CLASP2: variants seen among roughly 807,000 people sequenced by gnomAD.
The protein encoded by CLASP2 is cytoplasmic linker associated protein 2, also known as CLIP-associating protein 2.
Under a neutral mutation model 194.4 loss-of-function variants are expected in CLASP2, and 47 were observed. The observed-to-expected ratio is 0.24, with a 90% CI of 0.19 to 0.31. The LOEUF (loss-of-function observed/expected upper bound fraction) is 0.31. Ranked by LOEUF, CLASP2 falls within the 10% of genes least tolerant of loss-of-function variation. The pLI, the probability that CLASP2 is intolerant of heterozygous loss-of-function variation, is 1.00. For missense variants in CLASP2, 1,445 were observed against 1,823.6 expected (o/e 0.79, Z 3.78); for synonymous variants, 619 against 633.5 (o/e 0.98, Z 0.34).
intron 6 of CLASP2, among the ~76,000 whole-genome samples, chr3:33,675,171 T>C (rs1293067443): frequency 3.3e-5 from 5 of 151,988 alleles, no homozygotes; most frequent in African/African-American, 1.2e-4. Flanking sequence ...TGATGAACAT[T>C]GATGCAAAAA....
Position 33,696,918 on chromosome 3 carries a change from A to G in CLASP2, c.211T>C (p.Leu71=), listed in dbSNP as rs553118521. 7.6e-6 allele frequency: 12 copies of G among 1,586,344 alleles called. No homozygotes were observed. The South Asian group carries it at 1.3e-4, about 17-fold the overall frequency. The change falls in exon 2 of 39, where the codon TTG becomes CTG. Residue 71 remains leucine, a synonymous_variant. Transcript: ENST00000682230. ...TCCACAAAGGCACTTAAAATTTCCAATCCCATTAATGATACCTACAGATAA... is the reference window on the plus strand; with the variant it reads ...TCCACAAAGGCACTTAAAATTTCCAGTCCCATTAATGATACCTACAGATAA... ...SSNYRVSLMG[L]EILSAFVDRL...
intron 30 of CLASP2, among the ~76,000 whole-genome samples, chr3:33,547,755 G>A (rs1003450066): frequency 6.6e-6 from 1 of 151,718 alleles, no homozygotes; most frequent in Non-Finnish European, 1.5e-5. Flanking sequence ...CGCCATCTGA[G>A]CCTGGGCTTT....
intron 1 of CLASP2, among the ~76,000 whole-genome samples, chr3:33,706,578 TACAG>T (rs1438334490): frequency 6.6e-5 from 10 of 152,146 alleles, no homozygotes; most frequent in African/African-American, 1.9e-4. Context: ...AGAAAAAAGA[TACAG>T]ACAGAAGACA....
At chr3:33,663,250 T>C (rs894837274) in intron 7 of CLASP2, among the ~76,000 whole-genome samples, 195 bp downstream of exon 7, 2 of 150,508 alleles carry the variant, frequency 1.3e-5, no homozygotes, top group South Asian at 4.2e-4. Flanking sequence ...TGACTCACTA[T>C]TAAATTTCCA....
At chr3:33,505,736 T>G (rs1404312576) in intron 37 of CLASP2, among the ~76,000 whole-genome samples, 1 of 152,214 alleles carries the variant, frequency 6.6e-6, no homozygotes, top group African/African-American at 2.4e-5. Context: ...AGACATTATG[T>G]GTCATTCAAT....
intron 37 of CLASP2, among the ~76,000 whole-genome samples, chr3:33,508,337 A>AT (rs1474315073): frequency 2.0e-5 from 3 of 150,092 alleles, no homozygotes; most frequent in Non-Finnish European, 4.4e-5. Flanking sequence ...ATATATACAT[A>AT]TTTTTTGTTT....
intron 16 of CLASP2, 139 bp downstream of exon 16, chr3:33,606,452 A>G: frequency 1.7e-6 from 1 of 600,828 alleles, no homozygotes; most frequent in Non-Finnish European, 2.8e-6. Context: ...ACAGTAGACC[A>G]AAATAAATAA....
intron 26 of CLASP2, among the ~76,000 whole-genome samples, chr3:33,568,175 G>A (rs537995325): frequency 1.2e-4 from 19 of 152,196 alleles, no homozygotes; most frequent in African/African-American, 4.3e-4. Context: ...AGCAAACTAT[G>A]GCCTGCAAGC....
At chr3:33,683,037 C>T (rs1320903200) in intron 6 of CLASP2, 1 of 152,172 alleles carries the variant, frequency 6.6e-6, no homozygotes, top group Non-Finnish European at 1.5e-5. Context: ...GATTCTCATA[C>T]AGTTTCTGTT....
At chr3:33,634,805 A>G (rs2079808396) in intron 8 of CLASP2, among the ~76,000 whole-genome samples, 1 of 152,214 alleles carries the variant, frequency 6.6e-6, no homozygotes, top group Non-Finnish European at 1.5e-5. Context: ...TTAGTTGTCT[A>G]TATAGTAAAA....
chr3:33,540,135 G>T (rs1038765775), intron 32 of CLASP2, among the ~76,000 whole-genome samples: 1 of 151,516 alleles, frequency 6.6e-6, no homozygotes, highest in Non-Finnish European at 1.5e-5. Flanking sequence ...TCACCATGTT[G>T]ACTAGGCTGG....
chr3:33,594,938 G>T lies in CLASP2; in HGVS notation c.1966+13C>A. ...GATGTATTTGTGTTACTAACAAAAT[G>T]TATAGTTCTTACCATCTTCAGATGC... On this transcript the variant is annotated intron_variant, in intron 20 of 38. Transcript: ENST00000682230. 1.5e-6 allele frequency: 2 copies of T among 1,369,334 alleles called. No homozygotes were observed. The highest frequency in any genetic ancestry group is 1.6e-5 in the South Asian group (1 of 64,472). The allele number at this position is 1,369,334 out of a possible 1,614,324, so 84.8% of individuals were successfully genotyped here. A position where few individuals can be genotyped will look rare whatever the true frequency, so the allele number is the denominator to read the frequency against.
At chr3:33,517,934 C>T (rs1202213137) in intron 34 of CLASP2, among the ~76,000 whole-genome samples, 1 of 152,186 alleles carries the variant, frequency 6.6e-6, no homozygotes, top group Non-Finnish European at 1.5e-5. Flanking sequence ...AGGCATGAGC[C>T]ACCATGCCCA....
At chr3:33,583,999 T>C (rs2066755062) in intron 22 of CLASP2, among the ~76,000 whole-genome samples, 1 of 152,140 alleles carries the variant, frequency 6.6e-6, no homozygotes, top group East Asian at 1.9e-4. Flanking sequence ...ATCTTCAAAC[T>C]TAACTAATAA....
At chr3:33,640,560 A>G (rs985559916) in intron 8 of CLASP2, among the ~76,000 whole-genome samples, 14 of 152,142 alleles carry the variant, frequency 9.2e-5, no homozygotes, top group African/African-American at 3.4e-4. Flanking sequence ...GTGAGTGAGT[A>G]AAAGAGAACT....
rs930199775 is a variant in CLASP2, at chr3:33,669,872, C to A, written c.645-6357G>T. Among the ~76,000 whole-genome samples the A allele has an allele frequency of 1.1e-4, 17 of 152,060 alleles. 1 individual carries two copies. The highest frequency in any genetic ancestry group is 1.1e-3 in the Admixed American group (17 of 15,272). On this transcript the variant is annotated intron_variant, in intron 6 of 38. Coordinates refer to ENST00000682230, the MANE Select transcript of CLASP2 (RefSeq NM_001365631.1). ...GAAAACTGTCCATATCAACTAAATG[C>A]CTCCAAAAGAATGAATTAGTATGTA...
chr3:33,688,419 T>C, intron 3 of CLASP2, 51 bp from the exon 4 acceptor site: 1 of 1,265,092 alleles, frequency 7.9e-7, no homozygotes. Context: ...ATTATTCATG[T>C]TATAATCTTT....
intron 26 of CLASP2, among the ~76,000 whole-genome samples, chr3:33,570,363 C>T (rs1271659166): frequency 1.3e-5 from 2 of 152,098 alleles, no homozygotes; most frequent in Non-Finnish European, 2.9e-5. Flanking sequence ...TACATCAATG[C>T]TGTAATTAAT....
In CLASP2 at chr3:33,538,799, T is replaced by C; in HGVS notation, c.3548A>G (p.Asp1183Gly). Residue 1183 changes from aspartate to glycine, a missense_variant, in exon 33 of 39, where the codon GAT becomes GGT. By Grantham distance (94) the Asp-to-Gly change is moderately conservative (BLOSUM62 -1). This residue lies in a region of CLASP2 where 732 missense variants were observed against 987.9 expected (regional missense o/e 0.74). Coordinates refer to ENST00000682230, the MANE Select transcript of CLASP2 (RefSeq NM_001365631.1). ...EPLKRDSKKD[D>G]GDSMCGGPGM... ...TATTAAAATACTTACTGAATCGCCA[T>C]CATCTTTTTTAGAATCCCTTTTCAA... The C allele has an allele frequency of 1.3e-6, 2 of 1,582,358 alleles. No individual in the cohort carries two copies. The highest frequency in any genetic ancestry group is 1.7e-6 in the Non-Finnish European group (2 of 1,167,758).
Sources: gnomAD v4.1 joint callset for allele counts (sites outside exome capture counted in the v4.1 genomes callset) on GRCh38, gnomAD v4.1.1 for gene constraint, gnomAD v4.1.1 regional missense constraint, MANE v1.5 for transcripts, NCBI Gene and HGNC (gene_info 2026-07-23, HGNC 2026-07-21) for gene names.